Variants in SIRT1 observed in about 807,000 individuals in gnomAD.
SIRT1 encodes the protein sirtuin 1, also known as NAD-dependent protein deacetylase sirtuin-1.
SIRT1 carries 24 observed loss-of-function variants against 67.9 expected under a neutral mutation model. The ratio of observed to expected loss-of-function variants is 0.35; its 90% CI spans 0.26 to 0.50. The LOEUF is 0.50. Ranked by LOEUF, SIRT1 falls within the 20% of genes least tolerant of loss-of-function variation. The pLI is 0.98. For missense variants in SIRT1, 873 were observed against 937.2 expected, an observed-to-expected ratio of 0.93 and a Z score of 0.89; for synonymous variants, 378 against 350.7, an observed-to-expected ratio of 1.08 and a Z score of -0.87.
intron 4 of SIRT1, among the ~76,000 whole-genome samples, chr10:67,898,852 G>T (rs1434396079): frequency 6.6e-6 from 1 of 152,010 alleles, no homozygotes; most frequent in African/African-American, 2.4e-5. Flanking sequence ...AAAAAACTTG[G>T]CTGTTTTACT....
At chr10:67,910,695 G>A (rs1022193893) in intron 7 of SIRT1, among the ~76,000 whole-genome samples, 37 of 152,176 alleles carry the variant, frequency 2.4e-4, no homozygotes, top group African/African-American at 8.4e-4. Context: ...TGCCATAACG[G>A]TGATATGTCG....
intron 6 of SIRT1, 113 bp from the exon 7 acceptor site, chr10:67,909,143 T>G: frequency 1.6e-6 from 1 of 635,218 alleles, no homozygotes; most frequent in South Asian, 2.7e-5. Context: ...TTCTGTTTTG[T>G]TTTTTTTTTA....
intron 6 of SIRT1, among the ~76,000 whole-genome samples, chr10:67,908,639 C>T (rs1271487508): frequency 1.3e-5 from 2 of 152,158 alleles, no homozygotes; most frequent in Non-Finnish European, 2.9e-5. Flanking sequence ...TGCAGTGGCT[C>T]ATGCTTGTAA....
intron 8 of SIRT1, among the ~76,000 whole-genome samples, chr10:67,914,879 ATTTT>A (rs11309410): frequency 3.3e-5 from 4 of 120,374 alleles, no homozygotes; most frequent in Non-Finnish European, 5.4e-5. Flanking sequence ...ATGCTCAGCT[ATTTT>A]TTTTTTTTTT....
Position 67,887,469 on chromosome 10 carries a change from A to C in SIRT1, c.483A>C (p.Glu161Asp). ...TCACTAATGGTTTTCATTCCTGTGA[A>C]AGTGATGAGGAGGATAGAGCCTCAC... ...EIITNGFHSC[E>D]SDEEDRASHA... The change falls in exon 2 of 9, where the codon GAA becomes GAC. Residue 161 changes from glutamate (E) to aspartate (D), a missense_variant. Transcript: ENST00000212015. 1 of 1,613,974 alleles carries C rather than the reference A, an allele frequency of 6.2e-7. No individual in the cohort carries two copies. Among genetic ancestry groups the C allele is most frequent in the South Asian group, 1.1e-5 (1 of 91,076 alleles).
In SIRT1 at chr10:67,906,395, TA is replaced by T; in HGVS notation, c.943-392del. The T allele has an allele frequency of 4.8e-6, 5 of 1,042,322 alleles. No homozygotes were observed. The South Asian group carries it at 5.8e-5, about 12-fold the overall frequency. The allele number at this position is 1,042,322 out of a possible 1,614,324, so 64.6% of individuals were successfully genotyped here. On this transcript the variant is annotated intron_variant, in intron 4 of 8. Transcript: ENST00000212015. The stretch of plus-strand genomic sequence containing the variant: ...CTTGTATTGACAGTGCTTTTTTTTT[TA>T]AATCACCCTACCTTGATATCTGTAA...
chr10:67,893,390 A>T (rs542323522), intron 4 of SIRT1, among the ~76,000 whole-genome samples: 1 of 152,228 alleles, frequency 6.6e-6, no homozygotes, highest in African/African-American at 2.4e-5. Flanking sequence ...GAGTGAGGAC[A>T]TGTGGTGTTT....
chr10:67,898,475 A>G (rs1357105535), intron 4 of SIRT1, among the ~76,000 whole-genome samples: 3 of 152,138 alleles, frequency 2.0e-5, no homozygotes, highest in African/African-American at 7.2e-5. Flanking sequence ...ATAATATGCA[A>G]ACATACCAGA....
intron 4 of SIRT1, among the ~76,000 whole-genome samples, chr10:67,899,773 G>A (rs1842712748): frequency 6.6e-6 from 1 of 151,948 alleles, no homozygotes; most frequent in East Asian, 1.9e-4. Flanking sequence ...TTGTTTTTAA[G>A]GCAGTTTAAA....
At chr10:67,905,126 A>G (rs1287328558) in intron 4 of SIRT1, among the ~76,000 whole-genome samples, 1 of 152,146 alleles carries the variant, frequency 6.6e-6, no homozygotes, top group Non-Finnish European at 1.5e-5. Context: ...GCTTACTATT[A>G]TAGGTCCTAT....
At position 67,906,872 on chromosome 10, in the gene SIRT1, A is replaced by C. The variant is rs767148239; in HGVS notation, c.1025A>C (p.Asn342Thr). 2.5e-6 allele frequency: 4 copies of C among 1,613,282 alleles called. No homozygotes were observed. Among genetic ancestry groups the C allele is most frequent in the Non-Finnish European group, 3.4e-6 (4 of 1,179,712 alleles). ...GATAAGGAAGGAAAACTACTTCGCA[A>C]CTATACCCAGAACATAGACACGCTG... is the stretch of plus-strand genomic sequence containing the variant. Reference protein sequence around the residue: ...LSDKEGKLLRNYTQNIDTLEQ... With the variant: ...LSDKEGKLLRTYTQNIDTLEQ... Residue 342 changes from asparagine (N) to threonine (T), a missense_variant, in exon 5 of 9, where the codon AAC (asparagine) becomes ACC (threonine). By Grantham distance (65) the Asn-to-Thr change is moderately conservative (BLOSUM62 0). This residue lies in a region of SIRT1 where 251 missense variants were observed against 358.8 expected (regional missense o/e 0.70). Coordinates refer to ENST00000212015, the MANE Select transcript of SIRT1 (RefSeq NM_012238.5).
At chr10:67,910,665 C>T (rs1348661429) in intron 7 of SIRT1, among the ~76,000 whole-genome samples, 2 of 152,218 alleles carry the variant, frequency 1.3e-5, no homozygotes, top group Non-Finnish European at 2.9e-5. Flanking sequence ...ATGATTGGTT[C>T]ATTCTTGTAG....
At chr10:67,887,617 C>A in intron 2 of SIRT1, 84 bp downstream of exon 2, 1 of 918,406 alleles carries the variant, frequency 1.1e-6, no homozygotes, top group South Asian at 1.4e-5. Context: ...GCTCTTGTTG[C>A]GGAGGCTGGA....
chr10:67,885,944 T>C (rs1207717547), intron 1 of SIRT1, among the ~76,000 whole-genome samples: 4 of 124,466 alleles, frequency 3.2e-5, no homozygotes, highest in Non-Finnish European at 3.4e-5. Flanking sequence ...AAGGTTTCTT[T>C]TTTTTTTTTT....
intron 4 of SIRT1, among the ~76,000 whole-genome samples, chr10:67,904,273 A>C (rs1313816642): frequency 6.6e-6 from 1 of 151,672 alleles, no homozygotes; most frequent in Non-Finnish European, 1.5e-5. Context: ...GACTACAGGC[A>C]TGAACCGTGA....
rs756245161 is a variant in SIRT1, at chr10:67,884,689, G to A, written c.-33G>A. 99 of 1,227,500 alleles carry A rather than the reference G, an allele frequency of 8.1e-5. No individual in the cohort carries two copies. The highest frequency in any genetic ancestry group is 9.5e-5 in the Non-Finnish European group (94 of 985,380). The allele number at this position is 1,227,500 out of a possible 1,614,324, so 76.0% of individuals were successfully genotyped here. The stretch of plus-strand genomic sequence containing the variant: ...CGCGCGTCGAGCGGGAGCAGAGGAG[G>A]CGAGGGAGGAGGGCCAGAGAGGCAG... On this transcript the variant is annotated 5_prime_UTR_variant, in exon 1 of 9. Coordinates refer to ENST00000212015, the MANE Select transcript of SIRT1 (RefSeq NM_012238.5).
rs567829185 is a variant in SIRT1 at position 67,912,998 on chromosome 10, G to C, written c.1882G>C (p.Val628Leu). ...GTVRKCWPNR[V>L]AKEQISRRLD... ...AGTGAGAAAATGCTGGCCTAATAGA[G>C]TGGCAAAGGAGCAGATTAGTAGGCG... The change falls in exon 8 of 9, where the codon GTG becomes CTG. Residue 628 changes from valine (V) to leucine (L), a missense_variant. Around this residue, in one of 3 missense-constraint regions of SIRT1, gnomAD observed 295 missense variants for 294.5 expected, o/e 1.00. Transcript: ENST00000212015. The C allele has an allele frequency of 2.5e-6, 4 of 1,610,356 alleles. No homozygotes were observed. Among genetic ancestry groups the C allele is most frequent in the Non-Finnish European group, 3.4e-6 (4 of 1,178,972 alleles).
Position 67,884,779 on chromosome 10 carries a change from G to T in SIRT1, c.58G>T (p.Ala20Ser). The T allele has an allele frequency of 1.6e-6, 2 of 1,226,800 alleles. No homozygotes were observed. The highest frequency in any genetic ancestry group is 2.0e-6 in the Non-Finnish European group (2 of 984,648). The allele number at this position is 1,226,800 out of a possible 1,614,324, so 76.0% of individuals were successfully genotyped here. ...CGGCGGCTCCCCCTCGGCGGCGGGG[G>T]CCGACAGGGAGGCCGCGTCGTCCCC... ...QPGGSPSAAG[A>S]DREAASSPAG... is the part of the protein sequence containing the mutation. Residue 20 changes from alanine (A) to serine (S), a missense_variant, in exon 1 of 9, where the codon GCC (alanine) becomes TCC (serine). Around this residue, in one of 3 missense-constraint regions of SIRT1, gnomAD observed 327 missense variants for 283.9 expected, o/e 1.15. Coordinates refer to ENST00000212015, the MANE Select transcript of SIRT1 (RefSeq NM_012238.5).
chr10:67,888,772 TCTTA>T, intron 2 of SIRT1, 106 bp from the exon 3 acceptor site: 1 of 1,241,128 alleles, frequency 8.1e-7, no homozygotes. Flanking sequence ...AATTGCATTT[TCTTA>T]CTTTGCAAAA....
Sources: gnomAD v4.1 joint callset for allele counts (sites outside exome capture counted in the v4.1 genomes callset) on GRCh38, gnomAD v4.1.1 for gene constraint, gnomAD v4.1.1 regional missense constraint, MANE v1.5 for transcripts, NCBI Gene and HGNC (gene_info 2026-07-23, HGNC 2026-07-21) for gene names.